Variants in SLC44A5 observed in about 807,000 individuals in gnomAD.
SLC44A5 encodes the protein solute carrier family 44 member 5.
SLC44A5 carries 57 observed loss-of-function variants against 101.8 expected under a neutral mutation model. The observed-to-expected ratio is 0.56, with a 90% CI of 0.45 to 0.70. SLC44A5 has a LOEUF of 0.70. Among genes scored for constraint, SLC44A5 ranks in the 30% least tolerant of loss-of-function variants. The probability of loss-of-function intolerance (pLI) is 0.00; values close to 1 mark genes in which losing one functional copy is unlikely to be tolerated. For synonymous variants in SLC44A5, 281 were observed against 290.9 expected (o/e 0.97, Z 0.35); for missense variants, 737 against 853.1 (o/e 0.86, Z 1.70).
chr1:75,525,309 A>AT (rs1342559937), intron 2 of SLC44A5, among the ~76,000 whole-genome samples: 3 of 152,208 alleles, frequency 2.0e-5, no homozygotes, highest in Non-Finnish European at 4.4e-5. Flanking sequence ...AAAACCTGGC[A>AT]TTATATGCCT....
intron 6 of SLC44A5, among the ~76,000 whole-genome samples, chr1:75,263,273 C>T (rs1054209221): frequency 5.9e-5 from 9 of 152,134 alleles, no homozygotes; most frequent in African/African-American, 2.2e-4. Flanking sequence ...ATAACTTAAA[C>T]AAATTTACAA....
intron 2 of SLC44A5, among the ~76,000 whole-genome samples, chr1:75,486,450 TA>T (rs1557838105): frequency 6.6e-6 from 1 of 152,222 alleles, no homozygotes; most frequent in African/African-American, 2.4e-5. Context: ...GTTTTACTCT[TA>T]TTCTATTAAT....
intron 1 of SLC44A5, among the ~76,000 whole-genome samples, chr1:75,602,355 T>A (rs1016097418): frequency 6.6e-6 from 1 of 152,168 alleles, no homozygotes; most frequent in African/African-American, 2.4e-5. Flanking sequence ...AAATACAAGT[T>A]GGTGTGTAGG....
At chr1:75,580,387 TA>T (rs1359789953) in intron 1 of SLC44A5, among the ~76,000 whole-genome samples, 1 of 152,104 alleles carries the variant, frequency 6.6e-6, no homozygotes, top group Non-Finnish European at 1.5e-5. Flanking sequence ...CAGGTGCAAA[TA>T]TTTGTGCTGT....
intron 1 of SLC44A5, among the ~76,000 whole-genome samples, chr1:75,559,952 T>C (rs1305592323): frequency 6.6e-6 from 1 of 152,100 alleles, no homozygotes; most frequent in Non-Finnish European, 1.5e-5. Flanking sequence ...TCATTAGTCA[T>C]TGGAGAAATG....
rs1265001398 is a variant in SLC44A5, at chr1:75,215,852, G to C, written c.1630C>G (p.Gln544Glu). ...TGTAGGAATTTAGACAATGTGTTCT[G>C]GGTACCTATGAGAAGGAGATATTTA... ...EYLDHRLKRT[Q>E]NTLSKFLQCC... The change falls in exon 19 of 24, where the codon CAG becomes GAG. Residue 544 changes from glutamine to glutamate, a missense_variant. Physicochemically the swap from Gln to Glu is conservative, Grantham distance 29 (BLOSUM62 2). Coordinates refer to ENST00000370859, the MANE Select transcript of SLC44A5 (RefSeq NM_001130058.2). 1.1e-5 allele frequency: 17 copies of C among 1,553,624 alleles called. No homozygotes were observed. The highest frequency in any genetic ancestry group is 1.4e-5 in the Non-Finnish European group (16 of 1,127,944).
intron 4 of SLC44A5, among the ~76,000 whole-genome samples, chr1:75,333,694 A>C (rs1657227456): frequency 6.6e-6 from 1 of 152,328 alleles, no homozygotes; most frequent in South Asian, 2.1e-4. Context: ...GATAATAAAG[A>C]GATTAATGTG....
Position 75,203,743 on chromosome 1 carries a change from T to G in SLC44A5, c.2138A>C (p.Gln713Pro). Residue 713 changes from glutamine to proline, a missense_variant, in exon 24 of 24, where the codon CAA becomes CCA. Coordinates refer to ENST00000370859, the MANE Select transcript of SLC44A5 (RefSeq NM_001130058.2). ...TTTGCTCTTCTACTGCTTCCTAGTT[T>G]GTGGATTTTCCTCCTGGAAAATCTT... ...LLKIFQEENP[Q>P]TRKQ The G allele has an allele frequency of 6.5e-7, 1 of 1,549,114 alleles. No individual in the cohort carries two copies. Among genetic ancestry groups the G allele is most frequent in the Non-Finnish European group, 8.7e-7 (1 of 1,145,826 alleles).
chr1:75,530,757 G>A (rs944658221), intron 2 of SLC44A5, among the ~76,000 whole-genome samples: 1 of 152,042 alleles, frequency 6.6e-6, no homozygotes, highest in African/African-American at 2.4e-5. Context: ...TATTTCCTCA[G>A]ATGCCAAAAC....
Position 75,550,148 on chromosome 1 carries a change from A to C in SLC44A5, c.-69-8632T>G, listed in dbSNP as rs1671861917. 2.0e-5 allele frequency among the ~76,000 whole-genome samples: 3 copies of C among 152,286 alleles called. No homozygotes were observed. The South Asian group carries it at 6.2e-4, about 32-fold the overall frequency. The stretch of plus-strand genomic sequence containing the variant: ...GCAACATTTTTCATAAGAACCAAAA[A>C]GTGGAAACAACCCAAATGTCTATCA... On this transcript the variant is annotated intron_variant, in intron 1 of 23. Coordinates refer to ENST00000370859, the MANE Select transcript of SLC44A5 (RefSeq NM_001130058.2).
At chr1:75,541,943 T>G (rs898467362) in intron 1 of SLC44A5, among the ~76,000 whole-genome samples, 2 of 152,158 alleles carry the variant, frequency 1.3e-5, no homozygotes, top group African/African-American at 4.8e-5. Flanking sequence ...TTGTTTTGAG[T>G]TCAGCATTTT....
In SLC44A5 at chr1:75,476,627, G is replaced by A. The variant is rs568364967; in HGVS notation, c.13+64808C>T. Among the ~76,000 whole-genome samples the A allele has an allele frequency of 2.0e-4, 30 of 152,342 alleles. 1 individual carries two copies. The South Asian group carries it at 4.1e-3, about 21-fold the overall frequency. ...CCACACCTGGCTCGGAGGGTCCTAC[G>A]CCCACGGAGTCTCGCTGATTGCTAG... is the stretch of plus-strand genomic sequence containing the variant. On this transcript the variant is annotated intron_variant, in intron 2 of 23. Coordinates refer to ENST00000370859, the MANE Select transcript of SLC44A5 (RefSeq NM_001130058.2).
In SLC44A5 at chr1:75,580,278, G is replaced by A. The variant is rs554353468; in HGVS notation, c.-70+30762C>T. On this transcript the variant is annotated intron_variant, in intron 1 of 23. Transcript: ENST00000370859. The stretch of plus-strand genomic sequence containing the variant: ...CAAAACTTTAAGTTGTAGGATTTAC[G>A]AACTTAGCCAAGCAGTAAAACATGC... 1.1e-4 allele frequency among the ~76,000 whole-genome samples: 17 copies of A among 152,124 alleles called. No individual in the cohort carries two copies. The South Asian group carries it at 2.9e-3, about 26-fold the overall frequency.
At chr1:75,587,448 C>G (rs1419791257) in intron 1 of SLC44A5, among the ~76,000 whole-genome samples, 1 of 152,196 alleles carries the variant, frequency 6.6e-6, no homozygotes, top group Middle Eastern at 3.2e-3. Context: ...TAAACACTTT[C>G]TTCTTAACTC....
At chr1:75,359,471 G>C (rs887758820) in intron 3 of SLC44A5, among the ~76,000 whole-genome samples, 2 of 151,274 alleles carry the variant, frequency 1.3e-5, no homozygotes, top group African/African-American at 2.4e-5. Context: ...GAACTCCTGG[G>C]CTCAAGCAAT....
chr1:75,422,064 C>G (rs1423154487), intron 2 of SLC44A5, among the ~76,000 whole-genome samples: 2 of 152,016 alleles, frequency 1.3e-5, no homozygotes, highest in African/African-American at 4.8e-5. Context: ...CTTGTTAAAA[C>G]CACTGGTGTG....
the SLC44A5 span, among the ~76,000 whole-genome samples, chr1:75,667,053 T>A: frequency 1.3e-5 from 2 of 152,262 alleles, no homozygotes; most frequent in East Asian, 3.9e-4. Flanking sequence ...CTCTCACCAC[T>A]GCTATTCAAG....
Position 75,372,286 on chromosome 1 carries a change from A to C in SLC44A5, c.52+24297T>G, listed in dbSNP as rs1018462227. Among the ~76,000 whole-genome samples, 52 of 152,176 alleles carry C rather than the reference A, an allele frequency of 3.4e-4. 1 individual carries two copies. Among genetic ancestry groups the C allele is most frequent in the African/African-American group, 1.2e-3 (49 of 41,536 alleles). ...AAATGCATGTAAAATGTTTTACCTA[A>C]ATAAAAAATTTGCCCTTTTTCCTTA... is the stretch of plus-strand genomic sequence containing the variant. On this transcript the variant is annotated intron_variant, in intron 3 of 23. Transcript: ENST00000370859.
intron 21 of SLC44A5, 54 bp from the exon 22 acceptor site, chr1:75,213,847 T>A: frequency 6.5e-7 from 1 of 1,547,214 alleles, no homozygotes; most frequent in East Asian, 2.2e-5. Context: ...GAATATAGTT[T>A]TTTGTAGTAA....
Sources: allele counts gnomAD v4.1 joint callset (sites outside exome capture counted in the v4.1 genomes callset), GRCh38; gene constraint gnomAD v4.1.1; transcripts MANE v1.5; gene names NCBI Gene and HGNC (gene_info 2026-07-23, HGNC 2026-07-21).